NTM: variants seen among roughly 807,000 people sequenced by gnomAD.
NTM encodes the protein IgLON family member 2.
A neutral mutation model predicts 42.1 loss-of-function variants in NTM; 13 were observed. That is an observed-to-expected ratio of 0.31 (90% CI 0.20 to 0.49). The LOEUF (loss-of-function observed/expected upper bound fraction) is 0.49. NTM is among the 20% of genes least tolerant of loss of function. The pLI is 0.99. For missense variants in NTM, 373 were observed against 452.8 expected (o/e 0.82, Z 1.60); for synonymous variants, 187 against 179.2 (o/e 1.04, Z -0.35).
At chr11:131,661,767 T>C (rs925989948) in intron 1 of NTM, among the ~76,000 whole-genome samples, 2 of 152,218 alleles carry the variant, frequency 1.3e-5, no homozygotes, top group African/African-American at 4.8e-5. Context: ...GCTCTTTTTT[T>C]TCCCCCTGTG....
intron 1 of NTM, among the ~76,000 whole-genome samples, chr11:131,659,194 C>T (rs2067624576): frequency 6.6e-6 from 1 of 152,248 alleles, no homozygotes; most frequent in African/African-American, 2.4e-5. Context: ...CCCAGGGCAG[C>T]TGAGGCCAAG....
At chr11:131,487,354 G>C (rs1954287906) in intron 1 of NTM, among the ~76,000 whole-genome samples, 1 of 152,176 alleles carries the variant, frequency 6.6e-6, no homozygotes, top group South Asian at 2.1e-4. Flanking sequence ...ATGAATACTG[G>C]ATGCCCCAAA....
At chr11:131,427,027 G>A (rs1208923469) in intron 1 of NTM, among the ~76,000 whole-genome samples, 1 of 152,044 alleles carries the variant, frequency 6.6e-6, no homozygotes, top group Non-Finnish European at 1.5e-5. Flanking sequence ...GTGGTCAGGG[G>A]CTTGCCAGGA....
chr11:131,570,538 A>C (rs2137080931), intron 1 of NTM, among the ~76,000 whole-genome samples: 1 of 152,282 alleles, frequency 6.6e-6, no homozygotes, highest in Admixed American at 6.5e-5. Flanking sequence ...ATAATTCAAA[A>C]ACAAGGCCAG....
intron 1 of NTM, among the ~76,000 whole-genome samples, chr11:131,405,242 A>G (rs947723228): frequency 4.6e-5 from 7 of 152,056 alleles, no homozygotes; most frequent in African/African-American, 1.7e-4. Context: ...CTTAGAATAG[A>G]TTACATCTGT....
At chr11:131,916,269 T>G (rs2056345644) in intron 2 of NTM, among the ~76,000 whole-genome samples, 1 of 152,194 alleles carries the variant, frequency 6.6e-6, no homozygotes, top group South Asian at 2.1e-4. Flanking sequence ...CTTAGAGACC[T>G]TCACTAAGCA....
At chr11:131,874,646 T>C (rs1312253574) in intron 1 of NTM, among the ~76,000 whole-genome samples, 1 of 152,226 alleles carries the variant, frequency 6.6e-6, no homozygotes, top group African/African-American at 2.4e-5. Flanking sequence ...AAAAAATTTG[T>C]CTTTTGCGTA....
intron 2 of NTM, among the ~76,000 whole-genome samples, chr11:132,034,079 A>G (rs558240950): frequency 6.6e-6 from 1 of 152,196 alleles, no homozygotes; most frequent in African/African-American, 2.4e-5. Flanking sequence ...ATCAAAATAC[A>G]TGACTTTCTT....
intron 1 of NTM, among the ~76,000 whole-genome samples, chr11:131,471,417 G>A (rs187471946): frequency 3.3e-5 from 5 of 152,238 alleles, no homozygotes; most frequent in African/African-American, 9.6e-5. Context: ...ATCACGTATG[G>A]GGAAAAGACA....
At chr11:131,442,728 A>G (rs1377747367) in intron 1 of NTM, among the ~76,000 whole-genome samples, 2 of 152,126 alleles carry the variant, frequency 1.3e-5, no homozygotes, top group Non-Finnish European at 2.9e-5. Context: ...CAGGTCATCC[A>G]TGTCACTACA....
chr11:131,849,914 A>G (rs1465240929), intron 1 of NTM, among the ~76,000 whole-genome samples: 1 of 151,664 alleles, frequency 6.6e-6, no homozygotes, highest in Non-Finnish European at 1.5e-5. Context: ...TGGCACATGT[A>G]TACATATGTA....
rs759647529 is a variant in NTM at position 132,335,508 on chromosome 11, A to G, written c.*362A>G. On this transcript the variant is annotated 3_prime_UTR_variant, in exon 9 of 9. Coordinates refer to ENST00000683400, the MANE Select transcript of NTM (RefSeq NM_001352005.2). ...CCCACAGAGTGCCCCCACGTGGAAC[A>G]TTCTGGAGCTGGCCATCCCAAATTC... 2 of 241,058 alleles carry G rather than the reference A, an allele frequency of 8.3e-6. No homozygotes were observed. Among genetic ancestry groups the G allele is most frequent in the Non-Finnish European group, 1.6e-5 (2 of 123,226 alleles). 14.9% of individuals were successfully genotyped at this position (241,058 alleles called of 1,614,324 possible). A position where few individuals can be genotyped will look rare whatever the true frequency, so the allele number is the denominator to read the frequency against.
chr11:131,536,341 G>T (rs963375427), intron 1 of NTM: 1 of 152,236 alleles, frequency 6.6e-6, no homozygotes, highest in Non-Finnish European at 1.5e-5. Context: ...CACCAACAAT[G>T]AGCGATTATT....
At chr11:131,835,416 A>G (rs1300022744) in intron 1 of NTM, among the ~76,000 whole-genome samples, 1 of 152,166 alleles carries the variant, frequency 6.6e-6, no homozygotes, top group East Asian at 1.9e-4. Context: ...AAATATAAAG[A>G]CAGACATTCA....
At chr11:131,939,043 G>T (rs2059526368) in intron 2 of NTM, among the ~76,000 whole-genome samples, 1 of 152,164 alleles carries the variant, frequency 6.6e-6, no homozygotes, top group Admixed American at 6.6e-5. Context: ...GATGAGACTT[G>T]GGGATTTAAG....
intron 1 of NTM, among the ~76,000 whole-genome samples, chr11:131,641,067 C>T (rs538161854): frequency 1.3e-5 from 2 of 152,332 alleles, no homozygotes; most frequent in African/African-American, 4.8e-5. Context: ...TCTCTCTGTG[C>T]TCATTTGCTA....
intron 1 of NTM, among the ~76,000 whole-genome samples, chr11:131,407,405 C>A (rs562751860): frequency 6.6e-6 from 1 of 152,192 alleles, no homozygotes; most frequent in African/African-American, 2.4e-5. Context: ...AACAGCACTT[C>A]GTGGAATTGT....
chr11:132,281,364 C>A (rs758596447), intron 4 of NTM, among the ~76,000 whole-genome samples: 1 of 152,178 alleles, frequency 6.6e-6, no homozygotes, highest in Non-Finnish European at 1.5e-5. Context: ...CTGACAGTGT[C>A]TAGGTAATCA....
At position 131,789,638 on chromosome 11, in the gene NTM, AG is replaced by A. The variant is rs2090493650; in HGVS notation, c.83-121925del. On this transcript the variant is annotated intron_variant, in intron 1 of 8. Transcript: ENST00000683400. ...GAAGAAGAAGAAGAAGAAGAAGAAA[AG>A]AAGAAGAAGAAGAAGAAGAAGAAGA... Among the ~76,000 whole-genome samples, 12 of 119,684 alleles carry A rather than the reference AG, an allele frequency of 1.0e-4. 1 individual carries two copies. The highest frequency in any genetic ancestry group is 2.8e-4 in the African/African-American group (9 of 31,632). 78.5% of individuals were successfully genotyped at this position (119,684 alleles called of 152,430 possible). A position where few individuals can be genotyped will look rare whatever the true frequency, so the allele number is the denominator to read the frequency against.
Sources: allele counts gnomAD v4.1 joint callset (sites outside exome capture counted in the v4.1 genomes callset), GRCh38; gene constraint gnomAD v4.1.1; transcripts MANE v1.5; gene names NCBI Gene and HGNC (gene_info 2026-07-23, HGNC 2026-07-21).